Variants in ACKR3 observed in about 807,000 individuals in gnomAD.
ACKR3 encodes atypical chemokine receptor 3.
ACKR3 carries 6 observed loss-of-function variants against 22.4 expected under a neutral mutation model. The ratio of observed to expected loss-of-function variants is 0.27; its 90% CI spans 0.15 to 0.53. The LOEUF is 0.53. ACKR3 is among the 20% of genes least tolerant of loss of function. The pLI, the probability that ACKR3 is intolerant of heterozygous loss-of-function variation, is 0.96. For synonymous variants in ACKR3, 209 were observed against 205.2 expected (o/e 1.02, Z -0.16); for missense variants, 396 against 475.2 (o/e 0.83, Z 1.55).
the ACKR3 span, among the ~76,000 whole-genome samples, chr2:236,554,896 G>T: frequency 6.6e-6 from 1 of 152,228 alleles, no homozygotes; most frequent in African/African-American, 2.4e-5. Flanking sequence ...GGCAAAAAGG[G>T]TGCATTTGTA....
Position 236,577,181 on chromosome 2 carries a change from A to G in ACKR3, c.-26-3259A>G, listed in dbSNP as rs922958962. On this transcript the variant is annotated intron_variant, in intron 1 of 1. Transcript: ENST00000272928. This position sits in a 1 kb window ranked among gnomAD's most constrained non-coding sequence, Gnocchi z 5.6. ...ATAGGTGGCCGGTGATCGGTGGGGC[A>G]GTGAGGAGCTCCAGCCTCCGCTCTC... 5.9e-5 allele frequency among the ~76,000 whole-genome samples: 9 copies of G among 152,122 alleles called. No homozygotes were observed. Among genetic ancestry groups the G allele is most frequent in the African/African-American group, 2.2e-4 (9 of 41,422 alleles).
chr2:236,575,821 C>T (rs536912140), intron 1 of ACKR3, among the ~76,000 whole-genome samples: 75 of 152,238 alleles, frequency 4.9e-4, no homozygotes, highest in African/African-American at 1.6e-3. Context: ...TGAGTCGTGC[C>T]TTTGTTGAAA....
chr2:236,539,248 G>A, the ACKR3 span, among the ~76,000 whole-genome samples: 1 of 146,630 alleles, frequency 6.8e-6, no homozygotes, highest in Non-Finnish European at 1.5e-5. Context: ...TTGTGTGTGT[G>A]TGTGTGTCTC....
chr2:236,575,396 TG>T (rs1362517752), intron 1 of ACKR3, among the ~76,000 whole-genome samples: 2 of 149,252 alleles, frequency 1.3e-5, no homozygotes, highest in East Asian at 2.0e-4. Flanking sequence ...TGTGTGTGCG[TG>T]TGTCTGGGGT....
At chr2:236,575,366 C>A (rs530482945) in intron 1 of ACKR3, among the ~76,000 whole-genome samples, 4 of 151,680 alleles carry the variant, frequency 2.6e-5, no homozygotes, top group African/African-American at 9.7e-5. Context: ...GTGTTTCTTT[C>A]TGCATAGCTG....
the ACKR3 span, among the ~76,000 whole-genome samples, chr2:236,550,637 T>G: frequency 6.6e-6 from 1 of 152,152 alleles, no homozygotes; most frequent in Non-Finnish European, 1.5e-5. The surrounding 1 kb of genome is among the most constrained non-coding windows in gnomAD (Gnocchi z 4.6). Context: ...ACCTGGGGAC[T>G]GACCTGACAT....
intron 1 of ACKR3, among the ~76,000 whole-genome samples, chr2:236,579,880 A>C (rs1691484289): frequency 6.6e-6 from 1 of 152,244 alleles, no homozygotes; most frequent in Admixed American, 6.5e-5. Context: ...TTATATGTGA[A>C]TTTAGCAGAC....
chr2:236,557,531 G>A, the ACKR3 span, among the ~76,000 whole-genome samples: 2 of 152,158 alleles, frequency 1.3e-5, no homozygotes, highest in African/African-American at 4.8e-5. Flanking sequence ...ATAGAGGCTA[G>A]CCCCCACTGG....
intron 1 of ACKR3, among the ~76,000 whole-genome samples, chr2:236,573,675 A>T (rs1691353607): frequency 6.6e-6 from 1 of 151,986 alleles, no homozygotes; most frequent in African/African-American, 2.4e-5. Context: ...TATCTATACC[A>T]CTGTAGAGGA....
Position 236,580,419 on chromosome 2 carries a change from G to T in ACKR3, c.-26-21G>T, listed in dbSNP as rs1360971441. On this transcript the variant is annotated intron_variant, in intron 1 of 1. Transcript: ENST00000272928. ...GTGACTTTCCTCTTCCATCTTTTTT[G>T]TTTGCTTGGTTTTCTCATAGGTCAT... 3.3e-5 allele frequency: 51 copies of T among 1,552,764 alleles called. No homozygotes were observed. The Admixed American group carries it at 4.7e-4, about 14-fold the overall frequency.
intron 1 of ACKR3, among the ~76,000 whole-genome samples, chr2:236,575,929 A>G (rs1445372524): frequency 6.6e-6 from 1 of 152,208 alleles, no homozygotes; most frequent in East Asian, 1.9e-4. Context: ...TGAGGAGAGA[A>G]ACGTATGAAT....
At chr2:236,539,704 T>G in the ACKR3 span, among the ~76,000 whole-genome samples, 1 of 152,192 alleles carries the variant, frequency 6.6e-6, no homozygotes, top group Non-Finnish European at 1.5e-5. Flanking sequence ...AATTGCTGGA[T>G]CTTATATTGT....
intron 1 of ACKR3, 127 bp from the exon 2 acceptor site, chr2:236,580,313 A>T: frequency 2.2e-6 from 2 of 909,740 alleles, no homozygotes; most frequent in Non-Finnish European, 3.3e-6. Context: ...CAAAGACATT[A>T]CAGAGCTAAA....
the ACKR3 span, among the ~76,000 whole-genome samples, chr2:236,551,294 C>G: frequency 6.6e-6 from 1 of 152,206 alleles, no homozygotes; most frequent in African/African-American, 2.4e-5. Context: ...TCCTACCCGG[C>G]CATTTGAGTC....
upstream of ACKR3, among the ~76,000 whole-genome samples, chr2:236,568,469 C>T (rs1691235852): frequency 6.6e-6 from 1 of 152,194 alleles, no homozygotes; most frequent in Non-Finnish European, 1.5e-5. Context: ...TCTGGGGAGC[C>T]TGGAGATGTC....
At chr2:236,543,646 C>A in the ACKR3 span, among the ~76,000 whole-genome samples, 1 of 152,088 alleles carries the variant, frequency 6.6e-6, no homozygotes, top group African/African-American at 2.4e-5. Context: ...AGGCATGGAC[C>A]GGCAGGGAGG....
intron 1 of ACKR3, among the ~76,000 whole-genome samples, chr2:236,570,217 G>A (rs1691278900): frequency 6.6e-6 from 1 of 152,184 alleles, no homozygotes; most frequent in East Asian, 1.9e-4. Context: ...TTGCTGTGTG[G>A]CTATTTAAGC....
At chr2:236,554,061 T>C in the ACKR3 span, among the ~76,000 whole-genome samples, 5 of 152,190 alleles carry the variant, frequency 3.3e-5, no homozygotes, top group African/African-American at 9.7e-5. Context: ...GGCTGTGTCC[T>C]GGGTGGATAC....
chr2:236,574,618 G>A lies in ACKR3; in HGVS notation c.-27+4694G>A, dbSNP rs770024060. Among the ~76,000 whole-genome samples, 2 of 152,124 alleles carry A rather than the reference G, an allele frequency of 1.3e-5. No homozygotes were observed. Among genetic ancestry groups the A allele is most frequent in the East Asian group, 1.9e-4 (1 of 5,182 alleles). On this transcript the variant is annotated intron_variant, in intron 1 of 1. Coordinates refer to ENST00000272928, the MANE Select transcript of ACKR3 (RefSeq NM_020311.3). The surrounding 1 kb of genome is among the most constrained non-coding windows in gnomAD (Gnocchi z 5.6). ...CATTCTCTGGAAGGAACTAACCAGC[G>A]TGAGGACATGCTGATTGCATACTCA...
Sources: allele counts gnomAD v4.1 joint callset (sites outside exome capture counted in the v4.1 genomes callset), GRCh38; gene constraint gnomAD v4.1.1; non-coding constraint Gnocchi (gnomAD v3.1); transcripts MANE v1.5; gene names NCBI Gene and HGNC (gene_info 2026-07-23, HGNC 2026-07-21).